KCNH5: variants seen among roughly 807,000 people sequenced by gnomAD.
The protein encoded by KCNH5 is voltage-gated delayed rectifier potassium channel KCNH5.
A neutral mutation model predicts 96.1 loss-of-function variants in KCNH5; 46 were observed. The ratio of observed to expected loss-of-function variants is 0.48; its 90% CI spans 0.38 to 0.61. The LOEUF is 0.61. Among genes scored for constraint, KCNH5 ranks in the 20% least tolerant of loss-of-function variants. The pLI is 0.00. For synonymous variants in KCNH5, 439 were observed against 449.8 expected, an observed-to-expected ratio of 0.98 and a Z score of 0.30; for missense variants, 907 against 1,225.8, an observed-to-expected ratio of 0.74 and a Z score of 3.88.
At chr14:62,722,579 T>C (rs1052920464) in intron 10 of KCNH5, among the ~76,000 whole-genome samples, 6 of 152,182 alleles carry the variant, frequency 3.9e-5, no homozygotes, top group Non-Finnish European at 8.8e-5. Flanking sequence ...ATTAAAGAGG[T>C]TGAATCACTT....
At chr14:62,743,549 A>G (rs1477247270) in intron 10 of KCNH5, among the ~76,000 whole-genome samples, 1 of 152,252 alleles carries the variant, frequency 6.6e-6, no homozygotes, top group Non-Finnish European at 1.5e-5. Context: ...GTCTAACAAC[A>G]GAACTGAAAA....
At chr14:62,829,873 A>G (rs1433991285) in intron 8 of KCNH5, among the ~76,000 whole-genome samples, 1 of 152,210 alleles carries the variant, frequency 6.6e-6, no homozygotes, top group African/African-American at 2.4e-5. Context: ...CAAATTTTCT[A>G]AACTTTTATG....
chr14:62,845,828 G>A (rs563825505), intron 8 of KCNH5, among the ~76,000 whole-genome samples: 1 of 152,176 alleles, frequency 6.6e-6, no homozygotes, highest in Non-Finnish European at 1.5e-5. Context: ...GCAGTTGGAG[G>A]GGAGAGTCTA....
intron 6 of KCNH5, among the ~76,000 whole-genome samples, 188 bp downstream of exon 6, chr14:62,980,684 A>G (rs1259616525): frequency 6.6e-6 from 1 of 152,200 alleles, no homozygotes; most frequent in African/African-American, 2.4e-5. Flanking sequence ...TTTCAACCAG[A>G]TATCAAGGAG....
intron 8 of KCNH5, among the ~76,000 whole-genome samples, chr14:62,833,632 G>A (rs988971685): frequency 5.9e-5 from 9 of 151,824 alleles, no homozygotes; most frequent in Admixed American, 3.3e-4. Context: ...GGGTTCCATC[G>A]TTTTTTCTAC....
Position 62,771,580 on chromosome 14 carries a change from G to C in KCNH5, c.2019+8148C>G, listed in dbSNP as rs150516616. On this transcript the variant is annotated intron_variant, in intron 10 of 10. Transcript: ENST00000322893. ...GCAGAGCTTGCAGTGAGCCGAGATC[G>C]TGCCACTGCACTCCAGCCTGGGTGA... Among the ~76,000 whole-genome samples the C allele has an allele frequency of 2.6e-5, 4 of 152,136 alleles. 1 individual carries two copies. The highest frequency in any genetic ancestry group is 5.9e-5 in the Non-Finnish European group (4 of 68,018).
At chr14:62,709,524 T>C (rs1364548450) in intron 10 of KCNH5, among the ~76,000 whole-genome samples, 4 of 152,184 alleles carry the variant, frequency 2.6e-5, no homozygotes, top group Non-Finnish European at 5.9e-5. Flanking sequence ...AAGGTTAAGA[T>C]AGAAGTATGT....
intron 10 of KCNH5, among the ~76,000 whole-genome samples, chr14:62,735,222 T>C (rs1267488754): frequency 1.3e-5 from 2 of 152,128 alleles, no homozygotes; most frequent in Non-Finnish European, 1.5e-5. Flanking sequence ...AGAGTAGATA[T>C]AATCAAACCA....
intron 10 of KCNH5, among the ~76,000 whole-genome samples, chr14:62,726,381 T>A (rs969338836): frequency 6.6e-6 from 1 of 151,904 alleles, no homozygotes; most frequent in African/African-American, 2.4e-5. Context: ...TGAAAGGAGA[T>A]AAATGCAATG....
At chr14:62,977,355 G>A (rs1349811258) in intron 6 of KCNH5, among the ~76,000 whole-genome samples, 4 of 151,766 alleles carry the variant, frequency 2.6e-5, no homozygotes, top group Admixed American at 2.6e-4. Context: ...GCAAGACTCT[G>A]TCACCAAAAA....
intron 7 of KCNH5, among the ~76,000 whole-genome samples, chr14:62,935,079 G>C (rs975930521): frequency 6.6e-6 from 1 of 152,140 alleles, no homozygotes; most frequent in Non-Finnish European, 1.5e-5. Flanking sequence ...GTGGAAAAGT[G>C]GGGGGATGAG....
chr14:62,946,729 T>TAAAAATAAAAAAAAAAAAAAAAAA (rs1166250556), intron 7 of KCNH5, among the ~76,000 whole-genome samples: 1 of 152,016 alleles, frequency 6.6e-6, no homozygotes, highest in Non-Finnish European at 1.5e-5. Context: ...CATGAACTAC[T>TAAAAATAAAAAAAAAAAAAAAAAA]ACTCAGCAAT....
At chr14:63,028,548 A>G (rs1301038864) in intron 1 of KCNH5, among the ~76,000 whole-genome samples, 1 of 152,102 alleles carries the variant, frequency 6.6e-6, no homozygotes, top group African/African-American at 2.4e-5. Context: ...CTTAAATTCT[A>G]ATTCTTGGCT....
intron 10 of KCNH5, among the ~76,000 whole-genome samples, chr14:62,762,525 C>A (rs1243854719): frequency 3.9e-5 from 6 of 152,182 alleles, no homozygotes; most frequent in African/African-American, 1.2e-4. Context: ...GTCACCCCAC[C>A]ACTTTGTTGG....
intron 7 of KCNH5, among the ~76,000 whole-genome samples, chr14:62,864,046 T>C (rs563034366): frequency 6.6e-6 from 1 of 152,284 alleles, no homozygotes; most frequent in Non-Finnish European, 1.5e-5. Flanking sequence ...TTCTATTCTC[T>C]GTTATAATAC....
At chr14:62,842,444 A>T (rs1595650412) in intron 8 of KCNH5, among the ~76,000 whole-genome samples, 1 of 152,242 alleles carries the variant, frequency 6.6e-6, no homozygotes, top group East Asian at 1.9e-4. Flanking sequence ...TCAGTAGGTA[A>T]CAACTGAGAA....
chr14:62,902,063 GT>G (rs200749834), intron 7 of KCNH5, among the ~76,000 whole-genome samples: 7 of 150,968 alleles, frequency 4.6e-5, no homozygotes, highest in South Asian at 2.1e-4. Flanking sequence ...ATTTTAATGG[GT>G]TTTTTTTTCC....
rs1382462871 is a variant in KCNH5 at position 62,703,140 on chromosome 14, G to A, written c.*4368C>T. 1 of 151,786 alleles carries A rather than the reference G, an allele frequency of 6.6e-6. No homozygotes were observed. Among genetic ancestry groups the A allele is most frequent in the Non-Finnish European group, 1.5e-5 (1 of 67,780 alleles). 9.4% of individuals were successfully genotyped at this position (151,786 alleles called of 1,614,324 possible). ...TCTCTTCTCTCTCTCTTCTGTCAAA[G>A]GAGCTTCATTCTTTCCACGTTTATT... On this transcript the variant is annotated 3_prime_UTR_variant, in exon 11 of 11. Coordinates refer to ENST00000322893, the MANE Select transcript of KCNH5 (RefSeq NM_139318.5).
At chr14:62,780,847 T>A (rs1177805987) in intron 9 of KCNH5, among the ~76,000 whole-genome samples, 4 of 152,032 alleles carry the variant, frequency 2.6e-5, no homozygotes, top group Non-Finnish European at 5.9e-5. Flanking sequence ...AACTTCCACG[T>A]GAAAGGAAAA....
Sources: allele counts gnomAD v4.1 joint callset (sites outside exome capture counted in the v4.1 genomes callset), GRCh38; gene constraint gnomAD v4.1.1; transcripts MANE v1.5; gene names NCBI Gene and HGNC (gene_info 2026-07-23, HGNC 2026-07-21).